IL1R1: variants seen among roughly 807,000 people sequenced by gnomAD.
IL1R1 encodes interleukin 1 receptor type 1.
IL1R1 carries 22 observed loss-of-function variants against 50.2 expected under a neutral mutation model. The ratio of observed to expected loss-of-function variants is 0.44; its 90% CI spans 0.31 to 0.63. IL1R1 has a LOEUF of 0.63. Among genes scored for constraint, IL1R1 ranks in the 20% least tolerant of loss-of-function variants. The probability of loss-of-function intolerance (pLI) is 0.07; values close to 1 mark genes in which losing one functional copy is unlikely to be tolerated. For synonymous variants in IL1R1, 251 were observed against 236.7 expected (o/e 1.06, Z -0.55); for missense variants, 509 against 676.2 (o/e 0.75, Z 2.74).
At chr2:102,145,331 G>A (rs2104456810) in intron 1 of IL1R1, among the ~76,000 whole-genome samples, 1 of 152,306 alleles carries the variant, frequency 6.6e-6, no homozygotes, top group Non-Finnish European at 1.5e-5. Flanking sequence ...TTTCTCCTCT[G>A]GTTGTCTGCT....
chr2:102,072,474 T>A (rs139212784), intron 1 of IL1R1, among the ~76,000 whole-genome samples: 2 of 152,206 alleles, frequency 1.3e-5, no homozygotes, highest in Admixed American at 6.5e-5. Context: ...TACTGGAATA[T>A]TAGAAATCGT....
At chr2:102,100,164 T>A (rs1286987163), upstream of IL1R1, among the ~76,000 whole-genome samples, 1 of 152,212 alleles carries the variant, frequency 6.6e-6, no homozygotes, top group Non-Finnish European at 1.5e-5. Flanking sequence ...TTGATAAATT[T>A]TTTTGGCTTC....
chr2:102,130,422 A>C (rs1209615963), intron 1 of IL1R1, among the ~76,000 whole-genome samples: 1 of 152,034 alleles, frequency 6.6e-6, no homozygotes, highest in Non-Finnish European at 1.5e-5. Flanking sequence ...GAAATAGTAG[A>C]TTTGATCTTT....
chr2:102,129,472 A>G (rs184613005), intron 1 of IL1R1, among the ~76,000 whole-genome samples: 1 of 152,370 alleles, frequency 6.6e-6, no homozygotes, highest in Non-Finnish European at 1.5e-5. Context: ...TCAGATGACC[A>G]GTTAAGAAAG....
At chr2:102,070,844 T>C (rs1215746596) in intron 1 of IL1R1, among the ~76,000 whole-genome samples, 2 of 152,108 alleles carry the variant, frequency 1.3e-5, no homozygotes, top group East Asian at 1.9e-4. Flanking sequence ...CATGAAGATA[T>C]ACCATGGCTG....
intron 1 of IL1R1, among the ~76,000 whole-genome samples, chr2:102,113,274 A>G: frequency 6.6e-6 from 1 of 152,242 alleles, no homozygotes; most frequent in East Asian, 1.9e-4. Flanking sequence ...CTCAAAGCAC[A>G]TTTGTGTCTT....
chr2:102,151,697 C>T (rs935521172), intron 1 of IL1R1, among the ~76,000 whole-genome samples: 3 of 152,218 alleles, frequency 2.0e-5, no homozygotes, highest in East Asian at 3.9e-4. Context: ...CTGTGTCACT[C>T]GTCATGCCTG....
chr2:102,109,224 C>T (rs1248665557), intron 1 of IL1R1, among the ~76,000 whole-genome samples: 1 of 152,060 alleles, frequency 6.6e-6, no homozygotes, highest in Non-Finnish European at 1.5e-5. Context: ...GAGACAATGT[C>T]TCATGGTTTT....
chr2:102,098,460 A>G (rs778866779), intron 1 of IL1R1, among the ~76,000 whole-genome samples: 6 of 152,190 alleles, frequency 3.9e-5, no homozygotes, highest in Non-Finnish European at 8.8e-5. Context: ...AGCTATTATT[A>G]TTTGAAGATA....
chr2:102,137,649 T>C (rs1188653974), intron 1 of IL1R1, among the ~76,000 whole-genome samples: 1 of 152,170 alleles, frequency 6.6e-6, no homozygotes, highest in Non-Finnish European at 1.5e-5. Flanking sequence ...ATGATTGAGC[T>C]CAGAAATCCC....
intron 9 of IL1R1, 79 bp from the exon 10 acceptor site, chr2:102,174,508 T>C: frequency 9.3e-7 from 1 of 1,073,452 alleles, no homozygotes; most frequent in Non-Finnish European, 1.3e-6. Flanking sequence ...GAGACGAAGA[T>C]ATTTAATTTG....
chr2:102,122,103 A>G (rs1273521658), intron 1 of IL1R1, among the ~76,000 whole-genome samples: 1 of 152,218 alleles, frequency 6.6e-6, no homozygotes, highest in Non-Finnish European at 1.5e-5. Context: ...CCTTAAGGCC[A>G]TGGACTGGTT....
chr2:102,144,782 C>A (rs1682974115), intron 1 of IL1R1, among the ~76,000 whole-genome samples: 1 of 152,132 alleles, frequency 6.6e-6, no homozygotes, highest in Non-Finnish European at 1.5e-5. Flanking sequence ...TCAGCAGCCC[C>A]AATGGAGAGG....
At chr2:102,121,169 C>T (rs1577894411) in intron 1 of IL1R1, among the ~76,000 whole-genome samples, 1 of 152,178 alleles carries the variant, frequency 6.6e-6, no homozygotes, top group East Asian at 1.9e-4. Flanking sequence ...CACTGTATGC[C>T]ATTGACCCAG....
At chr2:102,100,002 C>T (rs1680071198), upstream of IL1R1, among the ~76,000 whole-genome samples, 1 of 152,092 alleles carries the variant, frequency 6.6e-6, no homozygotes, top group Non-Finnish European at 1.5e-5. Context: ...CCTGCTCTGC[C>T]CTTCTGCTGT....
At chr2:102,082,626 A>AACAAG (rs1243582489) in intron 1 of IL1R1, among the ~76,000 whole-genome samples, 1 of 152,126 alleles carries the variant, frequency 6.6e-6, no homozygotes, top group Non-Finnish European at 1.5e-5. Context: ...TGCTTCATCA[A>AACAAG]ACAAAACAAA....
At chr2:102,089,359 CAGAA>C (rs1679561120) in intron 1 of IL1R1, among the ~76,000 whole-genome samples, 2 of 152,148 alleles carry the variant, frequency 1.3e-5, no homozygotes, top group African/African-American at 4.8e-5. Flanking sequence ...GTGGGACAGT[CAGAA>C]CACATTTATT....
chr2:102,125,773 C>A lies in IL1R1; in HGVS notation c.-84+20901C>A, dbSNP rs560463810. Among the ~76,000 whole-genome samples, 34 of 152,256 alleles carry A rather than the reference C, an allele frequency of 2.2e-4. No homozygotes were observed. The South Asian group carries it at 6.4e-3, about 29-fold the overall frequency. On this transcript the variant is annotated intron_variant, in intron 1 of 10. Coordinates refer to the IL1R1 transcript ENST00000409329. ...GCTTCTAAAGGAAGACTGAGGAATG[C>A]GAAGAGGGTCTGTAATACACAGTTT...
In IL1R1 at chr2:102,171,929, T is replaced by C. The variant is rs138406303; in HGVS notation, c.839+11T>C. The C allele has an allele frequency of 2.9e-4, 392 of 1,367,608 alleles. 1 individual carries two copies. The highest frequency in any genetic ancestry group is 3.7e-4 in the Non-Finnish European group (365 of 976,096). The allele number at this position is 1,367,608 out of a possible 1,614,324, so 84.7% of individuals were successfully genotyped here. A position where few individuals can be genotyped will look rare whatever the true frequency, so the allele number is the denominator to read the frequency against. ...GGAAGACTATTACAGGTATGTATGCTAAGAGTTATTCACATTTTGGTGTTA... is the reference window on the plus strand; with the variant it reads ...GGAAGACTATTACAGGTATGTATGCCAAGAGTTATTCACATTTTGGTGTTA... On this transcript the variant is annotated intron_variant, in intron 8 of 11. Transcript: ENST00000410023.
Sources: gnomAD v4.1 joint callset for allele counts (sites outside exome capture counted in the v4.1 genomes callset) on GRCh38, gnomAD v4.1.1 for gene constraint, MANE v1.5 for transcripts, NCBI Gene and HGNC (gene_info 2026-07-23, HGNC 2026-07-21) for gene names.